Variants in RNF40 observed in about 807,000 individuals in gnomAD.
RNF40 encodes the protein E3 ubiquitin-protein ligase BRE1B.
Under a neutral mutation model 123.3 loss-of-function variants are expected in RNF40, and 39 were observed. The observed-to-expected ratio is 0.32, with a 90% CI of 0.24 to 0.41. The LOEUF (loss-of-function observed/expected upper bound fraction) is 0.41, where lower values mean the gene tolerates loss of function less well. Ranked by LOEUF, RNF40 falls within the 10% of genes least tolerant of loss-of-function variation. The probability of loss-of-function intolerance (pLI) is 1.00; values close to 1 mark genes in which losing one functional copy is unlikely to be tolerated. For synonymous variants in RNF40, 538 were observed against 526.0 expected, an observed-to-expected ratio of 1.02 and a Z score of -0.31; for missense variants, 1,003 against 1,319.9, an observed-to-expected ratio of 0.76 and a Z score of 3.72.
chr16:30,770,794 C>T (rs1449998039), intron 17 of RNF40, among the ~76,000 whole-genome samples: 1 of 152,164 alleles, frequency 6.6e-6, no homozygotes, highest in African/African-American at 2.4e-5. Context: ...TCACTGCAAC[C>T]TCCGCCTCCC....
rs1298563104 is a variant in RNF40, at chr16:30,775,214, C to T, written c.*1100C>T. The T allele has an allele frequency of 2.9e-6, 1 of 343,082 alleles. No individual in the cohort carries two copies. Among genetic ancestry groups the T allele is most frequent in the Admixed American group, 4.1e-5 (1 of 24,300 alleles). 21.3% of individuals were successfully genotyped at this position (343,082 alleles called of 1,614,324 possible). A position where few individuals can be genotyped will look rare whatever the true frequency, so the allele number is the denominator to read the frequency against. On this transcript the variant is annotated 3_prime_UTR_variant, in exon 20 of 20. Coordinates refer to ENST00000324685, the MANE Select transcript of RNF40 (RefSeq NM_014771.4). ...AGCCAGAGTAGCCAGGCCGCGCACCCCAAATGTAGTCCCCCGATTTTAGCT... is the reference window on the plus strand; with the variant it reads ...AGCCAGAGTAGCCAGGCCGCGCACCTCAAATGTAGTCCCCCGATTTTAGCT...
chr16:30,764,925 C>T lies in RNF40; in HGVS notation c.650-13C>T, dbSNP rs1345381008. The stretch of plus-strand genomic sequence containing the variant: ...CCCTGAGCTGGGCTCTTACCTGGGC[C>T]CTGCCTTCCCAGGGGACAGTGAGCC... On this transcript the variant is annotated splice_polypyrimidine_tract_variant and intron_variant, in intron 5 of 19. Transcript: ENST00000324685. 2 of 1,609,396 alleles carry T rather than the reference C, an allele frequency of 1.2e-6. No individual in the cohort carries two copies. The highest frequency in any genetic ancestry group is 2.7e-5 in the African/African-American group (2 of 74,730).
Position 30,762,557 on chromosome 16 carries a change from A to C in RNF40, c.12A>C (p.Pro4=). 6.3e-7 allele frequency: 1 copy of C among 1,599,614 alleles called. No individual in the cohort carries two copies. The highest frequency in any genetic ancestry group is 8.5e-7 in the Non-Finnish European group (1 of 1,177,626). The change falls in exon 2 of 20, where the codon CCA becomes CCC. Residue 4 remains proline (P), a synonymous_variant. Transcript: ENST00000324685. ...CAGCCGCCGCGGCCATGTCTGGGCC[A>C]GGCAACAAACGCGCCGCCGGCGACG... MSG[P]GNKRAAGDGG... is the part of the protein sequence containing the mutation.
chr16:30,762,758 A>T (rs959920513), intron 2 of RNF40, 81 bp downstream of exon 2: 4 of 1,545,504 alleles, frequency 2.6e-6, no homozygotes, highest in Non-Finnish European at 1.7e-6. Flanking sequence ...GGAATCTTAC[A>T]CCCACTTCCC....
chr16:30,766,782 C>T lies in RNF40; in HGVS notation c.1335C>T (p.Val445=), dbSNP rs2151329195. Residue 445 remains valine (V), a synonymous_variant, in exon 11 of 20, where the codon GTC becomes GTT. Coordinates refer to ENST00000324685, the MANE Select transcript of RNF40 (RefSeq NM_014771.4). This position sits in a 1 kb window ranked among gnomAD's most constrained non-coding sequence, Gnocchi z 5.4. Reference sequence around the variant, plus strand: ...TGCAGAAGAAGCTACGCACAGAGGTCATTCAGCTGGAGGACACGCTGGCCC... The same window carrying T: ...TGCAGAAGAAGCTACGCACAGAGGTTATTCAGCTGGAGGACACGCTGGCCC... ...LGLQKKLRTE[V]IQLEDTLAQV... The T allele has an allele frequency of 6.2e-7, 1 of 1,614,072 alleles. No individual in the cohort carries two copies. Among genetic ancestry groups the T allele is most frequent in the East Asian group, 2.2e-5 (1 of 44,894 alleles).
chr16:30,762,977 T>G (rs556121600), intron 2 of RNF40, 141 bp from the exon 3 acceptor site: 2 of 967,772 alleles, frequency 2.1e-6, no homozygotes, highest in African/African-American at 3.3e-5. Flanking sequence ...TGTCTGAGCC[T>G]CCTTAGATTC....
chr16:30,765,523 C>G (rs2054012068), intron 8 of RNF40, 24 bp downstream of exon 8: 2 of 1,605,244 alleles, frequency 1.2e-6, no homozygotes, highest in African/African-American at 2.7e-5. Context: ...TCCTCCCACC[C>G]CTTCTCACAA....
Position 30,762,759 on chromosome 16 carries a change from C to T in RNF40, c.132+82C>T, listed in dbSNP as rs569216497. On this transcript the variant is annotated intron_variant, in intron 2 of 19. Transcript: ENST00000324685. ...TGGCCAAACTGTGCGGAATCTTACA[C>T]CCACTTCCCCAAGTTTAGCAAGGTC... The T allele has an allele frequency of 3.7e-4, 568 of 1,540,508 alleles. 2 individuals are homozygous for T. The highest frequency in any genetic ancestry group is 3.2e-3 in the African/African-American group (227 of 71,794).
upstream of RNF40, chr16:30,762,280 G>GT: frequency 2.2e-6 from 1 of 463,224 alleles, no homozygotes; most frequent in South Asian, 3.5e-5. Context: ...GCACCGTTGG[G>GT]GGGGGGGCAG....
chr16:30,771,686 A>AG, intron 17 of RNF40, 147 bp from the exon 18 acceptor site: 1 of 797,694 alleles, frequency 1.3e-6, no homozygotes, highest in Non-Finnish European at 1.9e-6. Context: ...GGAGAACAGG[A>AG]GGGGAGGGCT....
At position 30,772,061 on chromosome 16, in the gene RNF40, G is replaced by A. The variant is rs754604241; in HGVS notation, c.2728-28G>A. The A allele has an allele frequency of 6.3e-6, 10 of 1,575,126 alleles. No homozygotes were observed. The South Asian group carries it at 1.0e-4, about 16-fold the overall frequency. ...AAGCGGCTCAAGGTTGAGGACCCTT[G>A]CCCTTAGCCAGGCCTCTCCTGCCCC... On this transcript the variant is annotated intron_variant, in intron 18 of 19. Coordinates refer to ENST00000324685, the MANE Select transcript of RNF40 (RefSeq NM_014771.4).
chr16:30,766,296 G>A lies in RNF40; in HGVS notation c.1113+14G>A. 2 of 1,614,064 alleles carry A rather than the reference G, an allele frequency of 1.2e-6. No homozygotes were observed. Among genetic ancestry groups the A allele is most frequent in the Non-Finnish European group, 1.7e-6 (2 of 1,179,966 alleles). ...GAGCGCCTCAAGGTGGGCTGCTGTA[G>A]GGGCTGAGAGGTCCTGGGCCTGTAA... On this transcript the variant is annotated intron_variant, in intron 9 of 19. Coordinates refer to ENST00000324685, the MANE Select transcript of RNF40 (RefSeq NM_014771.4). The surrounding 1 kb of genome is among the most constrained non-coding windows in gnomAD (Gnocchi z 5.4).
Position 30,766,024 on chromosome 16 carries a change from G to A in RNF40, c.994-139G>A. On this transcript the variant is annotated intron_variant, in intron 8 of 19. Transcript: ENST00000324685. This position sits in a 1 kb window ranked among gnomAD's most constrained non-coding sequence, Gnocchi z 5.4. ...CTCCCATTTTTCTGGGAGCCCTTAG[G>A]AAAGTACTTGGTTTGGGGTGTCAGA... 8.2e-7 allele frequency: 1 copy of A among 1,220,356 alleles called. No homozygotes were observed. Among genetic ancestry groups the A allele is most frequent in the Non-Finnish European group, 1.2e-6 (1 of 855,404 alleles). The allele number at this position is 1,220,356 out of a possible 1,614,324, so 75.6% of individuals were successfully genotyped here.
Position 30,775,081 on chromosome 16 carries a change from G to T in RNF40, c.*967G>T. ...GGCTGTGAGGGCAGTGCCCGGAGAG[G>T]CCAGAGGGTTGGAGCTGCAGGGACC... On this transcript the variant is annotated 3_prime_UTR_variant, in exon 20 of 20. Transcript: ENST00000324685. 2.2e-6 allele frequency: 1 copy of T among 455,968 alleles called. No homozygotes were observed. 28.2% of individuals were successfully genotyped at this position (455,968 alleles called of 1,614,324 possible).
chr16:30,761,868 C>T (rs965414470), upstream of RNF40: 9 of 1,013,560 alleles, frequency 8.9e-6, no homozygotes, highest in Non-Finnish European at 1.2e-5. Context: ...GGCCAATCTA[C>T]GCGCGGAGAG....
At chr16:30,769,838 CTGTGATCCCAACACTT>C (rs1201487391) in intron 17 of RNF40, among the ~76,000 whole-genome samples, 2 of 152,192 alleles carry the variant, frequency 1.3e-5, no homozygotes, top group East Asian at 3.9e-4. Flanking sequence ...TGGCTCACGT[CTGTGATCCCAACACTT>C]TGGGAAACAG....
At chr16:30,765,145 C>A (rs2054004817) in intron 6 of RNF40, 36 bp from the exon 7 acceptor site, 1 of 1,611,952 alleles carries the variant, frequency 6.2e-7, no homozygotes, top group African/African-American at 1.3e-5. Context: ...GGAACCAAGT[C>A]CCCCATCCAA....
intron 19 of RNF40, 151 bp downstream of exon 19, chr16:30,772,341 G>A (rs184864130): frequency 6.8e-6 from 5 of 732,810 alleles, no homozygotes; most frequent in Non-Finnish European, 1.2e-5. Context: ...GCTGTTTGCT[G>A]TACATGTACT....
chr16:30,769,650 T>G (rs1287583303), intron 17 of RNF40, 50 bp downstream of exon 17: 10 of 1,479,044 alleles, frequency 6.8e-6, no homozygotes, highest in Non-Finnish European at 9.0e-6. Flanking sequence ...GCTCACCTCC[T>G]CACCTTCCGG....
Sources: allele counts gnomAD v4.1 joint callset (sites outside exome capture counted in the v4.1 genomes callset), GRCh38; gene constraint gnomAD v4.1.1; non-coding constraint Gnocchi (gnomAD v3.1); transcripts MANE v1.5; gene names NCBI Gene and HGNC (gene_info 2026-07-23, HGNC 2026-07-21).